Variants in HABP2 observed in about 807,000 individuals in gnomAD.
HABP2 encodes the protein factor VII-activating protease.
Under a neutral mutation model 66.5 loss-of-function variants are expected in HABP2, and 65 were observed. The observed-to-expected ratio is 0.98, with a 90% CI of 0.80 to 1.20. The LOEUF (loss-of-function observed/expected upper bound fraction) is 1.20, where lower values mean the gene tolerates loss of function less well. HABP2 is among the 50% of genes most tolerant of loss of function. HABP2 has a pLI of 0.00. For synonymous variants in HABP2, 263 were observed against 253.9 expected (o/e 1.04, Z -0.34); for missense variants, 786 against 691.0 (o/e 1.14, Z -1.54).
intron 5 of HABP2, 86 bp downstream of exon 5, chr10:113,577,352 T>C: frequency 1.3e-6 from 1 of 755,210 alleles, no homozygotes; most frequent in Non-Finnish European, 2.4e-6. Context: ...CAGATGCATC[T>C]GATGTTTTTG....
chr10:113,588,418 C>T lies in HABP2; in HGVS notation c.*49C>T. 6.7e-7 allele frequency: 1 copy of T among 1,483,418 alleles called. No individual in the cohort carries two copies. 91.9% of individuals were successfully genotyped at this position (1,483,418 alleles called of 1,614,324 possible). A position where few individuals can be genotyped will look rare whatever the true frequency, so the allele number is the denominator to read the frequency against. On this transcript the variant is annotated 3_prime_UTR_variant, in exon 13 of 13. Transcript: ENST00000351270. ...GCCCACTCTCCTTGGCACCCTGACA[C>T]CGGGAGGCCTCATGGCCAACAATGG... is the stretch of plus-strand genomic sequence containing the variant.
intron 1 of HABP2, among the ~76,000 whole-genome samples, chr10:113,557,479 C>G (rs1845018564): frequency 6.6e-6 from 1 of 152,132 alleles, no homozygotes; most frequent in African/African-American, 2.4e-5. Context: ...CACAGAGAAA[C>G]AGCATGGCAG....
At chr10:113,570,442 G>T (rs1466549872) in intron 2 of HABP2, among the ~76,000 whole-genome samples, 1 of 152,178 alleles carries the variant, frequency 6.6e-6, no homozygotes, top group Non-Finnish European at 1.5e-5. Flanking sequence ...ATTCCTGATA[G>T]AAAATTCTTG....
chr10:113,584,459 C>T (rs562021473), intron 11 of HABP2, among the ~76,000 whole-genome samples, 177 bp downstream of exon 11: 5 of 152,346 alleles, frequency 3.3e-5, no homozygotes, highest in Admixed American at 2.0e-4. Context: ...CTGCAGGGAG[C>T]CTTCCCTGAG....
intron 2 of HABP2, chr10:113,572,784 T>C (rs1393994506): frequency 2.3e-6 from 1 of 435,136 alleles, no homozygotes; most frequent in Non-Finnish European, 4.6e-6. Flanking sequence ...TCGGGAGAAA[T>C]AATGAGCAAG....
intron 7 of HABP2, among the ~76,000 whole-genome samples, chr10:113,579,739 C>T (rs543701970): frequency 1.3e-5 from 2 of 151,742 alleles, no homozygotes; most frequent in South Asian, 4.2e-4. Context: ...GAACTGGCTT[C>T]ATAAATGAGG....
intron 11 of HABP2, among the ~76,000 whole-genome samples, chr10:113,585,364 T>G (rs1348869755): frequency 6.6e-6 from 1 of 152,254 alleles, no homozygotes; most frequent in Non-Finnish European, 1.5e-5. Flanking sequence ...AAAACATGTT[T>G]TGATTGATGT....
At chr10:113,581,454 C>G (rs1445434646) in intron 8 of HABP2, among the ~76,000 whole-genome samples, 1 of 152,196 alleles carries the variant, frequency 6.6e-6, no homozygotes, top group Non-Finnish European at 1.5e-5. Context: ...TGAATATCCT[C>G]CCCTCTACCC....
chr10:113,588,685 T>G lies in HABP2; in HGVS notation c.*316T>G. The stretch of plus-strand genomic sequence containing the variant: ...GAGACTGCCTCCACCACAGGCATCC[T>G]GCAAATGCAGACTCCAGAATCCCCA... On this transcript the variant is annotated 3_prime_UTR_variant, in exon 13 of 13. Coordinates refer to ENST00000351270, the MANE Select transcript of HABP2 (RefSeq NM_004132.5). 1 of 537,388 alleles carries G rather than the reference T, an allele frequency of 1.9e-6. No individual in the cohort carries two copies. The highest frequency in any genetic ancestry group is 2.9e-5 in the South Asian group (1 of 34,664). The allele number at this position is 537,388 out of a possible 1,614,324, so 33.3% of individuals were successfully genotyped here.
In HABP2 at chr10:113,574,295, C is replaced by T. The variant is rs760090023; in HGVS notation, c.113C>T (p.Thr38Ile). 1.1e-5 allele frequency: 17 copies of T among 1,554,760 alleles called. No homozygotes were observed. The Admixed American group carries it at 2.3e-4, about 21-fold the overall frequency. Residue 38 changes from threonine (T) to isoleucine (I), a missense_variant, in exon 3 of 13, where the codon ACC becomes ATC. By Grantham distance (89) the Thr-to-Ile change is moderately conservative. Transcript: ENST00000351270. ...SLLESLDPDW[T>I]PDQYDYSYED... ...CCTGTTACCATCCCTGCAGACTGGA[C>T]CCCTGACCAGTATGATTACAGCTAC...
At position 113,589,074 on chromosome 10, in the gene HABP2, C is replaced by T; in HGVS notation, c.*705C>T. ...GATCTCCAGCCTCCACTGCTTCTGCCCCCCGCTGCTGAAATCAAACATACC... is the reference window on the plus strand; with the variant it reads ...GATCTCCAGCCTCCACTGCTTCTGCTCCCCGCTGCTGAAATCAAACATACC... On this transcript the variant is annotated 3_prime_UTR_variant, in exon 13 of 13. Coordinates refer to ENST00000351270, the MANE Select transcript of HABP2 (RefSeq NM_004132.5). The T allele has an allele frequency of 2.5e-6, 4 of 1,613,562 alleles. No individual in the cohort carries two copies. Among genetic ancestry groups the T allele is most frequent in the African/African-American group, 1.3e-5 (1 of 74,970 alleles).
intron 1 of HABP2, among the ~76,000 whole-genome samples, chr10:113,557,116 C>T (rs781059468): frequency 2.0e-5 from 3 of 152,136 alleles, no homozygotes; most frequent in Non-Finnish European, 4.4e-5. Context: ...AGCATCCACA[C>T]CTGCATGGGC....
At chr10:113,572,633 C>A in intron 2 of HABP2, 1 of 421,542 alleles carries the variant, frequency 2.4e-6, no homozygotes, top group South Asian at 1.8e-5. Flanking sequence ...CATTTTCTCC[C>A]TCTCTTTCTC....
At chr10:113,585,321 C>T (rs764712418) in intron 11 of HABP2, among the ~76,000 whole-genome samples, 1 of 152,150 alleles carries the variant, frequency 6.6e-6, no homozygotes, top group Non-Finnish European at 1.5e-5. Flanking sequence ...ACTTTATGTT[C>T]AAAGCCTTTA....
chr10:113,569,437 G>A (rs373342973), intron 2 of HABP2, among the ~76,000 whole-genome samples: 2 of 152,218 alleles, frequency 1.3e-5, no homozygotes, highest in South Asian at 2.1e-4. Context: ...GATGGTATTT[G>A]TCAGCTCCCT....
chr10:113,577,999 T>C, intron 5 of HABP2, 27 bp from the exon 6 acceptor site: 1 of 1,612,392 alleles, frequency 6.2e-7, no homozygotes, highest in Non-Finnish European at 8.5e-7. Flanking sequence ...CTGAAGAGCC[T>C]TCCTGGCCCC....
At chr10:113,567,621 T>A in intron 2 of HABP2, 96 bp downstream of exon 2, 1 of 907,222 alleles carries the variant, frequency 1.1e-6, no homozygotes, top group Non-Finnish European at 1.8e-6. Context: ...TGGAGGGACC[T>A]CAGGGTTCAA....
chr10:113,567,669 C>T (rs1441664906), intron 2 of HABP2, 144 bp downstream of exon 2: 8 of 684,156 alleles, frequency 1.2e-5, no homozygotes, highest in Non-Finnish European at 1.9e-5. Flanking sequence ...TGAGAACTTG[C>T]CCTCAAAATT....
chr10:113,566,282 CCA>C (rs1285845629), intron 1 of HABP2, among the ~76,000 whole-genome samples: 5 of 152,218 alleles, frequency 3.3e-5, no homozygotes, highest in Non-Finnish European at 7.3e-5. Flanking sequence ...ACAAAAGCAG[CCA>C]TAAACAAACA....
Sources: allele counts gnomAD v4.1 joint callset (sites outside exome capture counted in the v4.1 genomes callset), GRCh38; gene constraint gnomAD v4.1.1; transcripts MANE v1.5; gene names NCBI Gene and HGNC (gene_info 2026-07-23, HGNC 2026-07-21).